L3MBTL3: variants seen among roughly 807,000 people sequenced by gnomAD.
L3MBTL3 encodes the protein L3MBTL histone methyl-lysine binding protein 3, also known as lethal(3)malignant brain tumor-like protein 3.
A neutral mutation model predicts 102.3 loss-of-function variants in L3MBTL3; 27 were observed. The observed-to-expected ratio is 0.26, with a 90% CI of 0.19 to 0.36. The LOEUF (loss-of-function observed/expected upper bound fraction) is 0.36, where lower values mean the gene tolerates loss of function less well. L3MBTL3 is among the 10% of genes least tolerant of loss of function. The pLI is 1.00. For missense variants in L3MBTL3, 798 were observed against 955.3 expected, an observed-to-expected ratio of 0.84 and a Z score of 2.17; for synonymous variants, 340 against 320.9, an observed-to-expected ratio of 1.06 and a Z score of -0.64.
chr6:130,140,691 G>A lies in L3MBTL3; in HGVS notation c.*938G>A, dbSNP rs1231962466. 3 of 152,188 alleles carry A rather than the reference G, an allele frequency of 2.0e-5. No homozygotes were observed. The highest frequency in any genetic ancestry group is 4.4e-5 in the Non-Finnish European group (3 of 68,034). 9.4% of individuals were successfully genotyped at this position (152,188 alleles called of 1,614,324 possible). A position where few individuals can be genotyped will look rare whatever the true frequency, so the allele number is the denominator to read the frequency against. ...AATTGTGGTGGTTTACAGAGACTAAGAGCTCATTCTGTCAACAGAAACACT... is the reference window on the plus strand; with the variant it reads ...AATTGTGGTGGTTTACAGAGACTAAAAGCTCATTCTGTCAACAGAAACACT... On this transcript the variant is annotated 3_prime_UTR_variant, in exon 23 of 23. Coordinates refer to ENST00000361794, the MANE Select transcript of L3MBTL3 (RefSeq NM_032438.4).
intron 2 of L3MBTL3, among the ~76,000 whole-genome samples, chr6:130,023,884 A>G (rs936824052): frequency 6.6e-6 from 1 of 152,202 alleles, no homozygotes; most frequent in Non-Finnish European, 1.5e-5. Flanking sequence ...TGTCTTGAGA[A>G]AAAAGTAGTT....
chr6:130,053,035 T>C (rs1176649375), intron 7 of L3MBTL3, 44 bp downstream of exon 7: 15 of 1,445,234 alleles, frequency 1.0e-5, no homozygotes, highest in South Asian at 2.3e-5. Context: ...GATGCATCTT[T>C]AGTGGGTAGC....
rs184587735 is a variant in L3MBTL3 at position 130,037,430 on chromosome 6, A to C, written c.-15-5255A>C. On this transcript the variant is annotated intron_variant, in intron 2 of 22. Transcript: ENST00000361794. ...TCTGTCGCTCTACTGTCTATCAAAAAAAAAAAGTTACCACTCTTAAACATC... is the reference window on the plus strand; with the variant it reads ...TCTGTCGCTCTACTGTCTATCAAAACAAAAAAGTTACCACTCTTAAACATC... 1.4e-4 allele frequency among the ~76,000 whole-genome samples: 22 copies of C among 152,282 alleles called. No individual in the cohort carries two copies. The East Asian group carries it at 4.2e-3, about 29-fold the overall frequency.
chr6:130,093,781 A>G (rs1784195814), intron 17 of L3MBTL3, among the ~76,000 whole-genome samples: 1 of 152,210 alleles, frequency 6.6e-6, no homozygotes, highest in African/African-American at 2.4e-5. Context: ...TTTCCAGGAG[A>G]GCCCACACTA....
At chr6:130,100,690 C>CT in intron 18 of L3MBTL3, among the ~76,000 whole-genome samples, 1 of 151,868 alleles carries the variant, frequency 6.6e-6, no homozygotes, top group Middle Eastern at 3.4e-3. Context: ...GTCATAATGG[C>CT]TGCAGTCTTA....
chr6:130,018,820 A>C (rs1778729007), intron 1 of L3MBTL3, among the ~76,000 whole-genome samples, 156 bp downstream of exon 1: 1 of 152,150 alleles, frequency 6.6e-6, no homozygotes, highest in Non-Finnish European at 1.5e-5. Context: ...AGGGGAGGGG[A>C]GGGACAGAAG....
rs533372609 is a variant in L3MBTL3 at position 130,032,354 on chromosome 6, C to T, written c.-16+10049C>T. 1.1e-4 allele frequency among the ~76,000 whole-genome samples: 17 copies of T among 152,150 alleles called. No individual in the cohort carries two copies. The South Asian group carries it at 2.5e-3, about 22-fold the overall frequency. ...GTCCCAGCTGCTCTAGAGGCTGAGG[C>T]GGGAGGAGTGTTTGAGCCCAGGTGG... On this transcript the variant is annotated intron_variant, in intron 2 of 22. Transcript: ENST00000361794.
rs1781699499 is a variant in L3MBTL3 at position 130,058,845 on chromosome 6, T to G, written c.760-1191T>G. Among the ~76,000 whole-genome samples, 4 of 152,214 alleles carry G rather than the reference T, an allele frequency of 2.6e-5. No individual in the cohort carries two copies. The South Asian group carries it at 8.3e-4, about 32-fold the overall frequency. On this transcript the variant is annotated intron_variant, in intron 9 of 22. Coordinates refer to ENST00000361794, the MANE Select transcript of L3MBTL3 (RefSeq NM_032438.4). The stretch of plus-strand genomic sequence containing the variant: ...TTTGCTGAACCTTGGTTTAAATTAT[T>G]TCATTATATTTAATCGTGGTATGTA...
chr6:130,033,552 C>T (rs1207654097), intron 2 of L3MBTL3, among the ~76,000 whole-genome samples: 3 of 152,166 alleles, frequency 2.0e-5, no homozygotes, highest in Admixed American at 1.3e-4. Context: ...TCCTGACACA[C>T]TGTTTACAAA....
At chr6:130,095,595 C>G (rs1009599379) in intron 18 of L3MBTL3, among the ~76,000 whole-genome samples, 1 of 152,064 alleles carries the variant, frequency 6.6e-6, no homozygotes, top group African/African-American at 2.4e-5. Flanking sequence ...AATTCATGAA[C>G]GTACTAAATT....
At chr6:130,039,019 A>C (rs1247802725) in intron 2 of L3MBTL3, among the ~76,000 whole-genome samples, 1 of 152,134 alleles carries the variant, frequency 6.6e-6, no homozygotes, top group Non-Finnish European at 1.5e-5. Context: ...TTTCCTATTA[A>C]GTATTTAAAA....
At chr6:130,061,045 G>T (rs920779009) in intron 10 of L3MBTL3, among the ~76,000 whole-genome samples, 7 of 151,064 alleles carry the variant, frequency 4.6e-5, no homozygotes, top group Admixed American at 2.6e-4. Flanking sequence ...CATACTATGT[G>T]CCAGCGGCTA....
chr6:130,129,682 C>G (rs1037853483), intron 20 of L3MBTL3, among the ~76,000 whole-genome samples: 3 of 152,102 alleles, frequency 2.0e-5, no homozygotes, highest in Admixed American at 6.6e-5. Flanking sequence ...ATTTTCTTTT[C>G]CATGCATGTC....
At chr6:130,018,993 A>G (rs1778740279) in intron 1 of L3MBTL3, among the ~76,000 whole-genome samples, 1 of 151,654 alleles carries the variant, frequency 6.6e-6, no homozygotes, top group African/African-American at 2.4e-5. Flanking sequence ...AGAGAGAGAA[A>G]AGAGAAAGGA....
intron 13 of L3MBTL3, among the ~76,000 whole-genome samples, chr6:130,078,144 T>A (rs1783077822): frequency 1.3e-5 from 2 of 152,202 alleles, no homozygotes; most frequent in African/African-American, 4.8e-5. Context: ...TTAAGGATGA[T>A]TGGGCTTCCT....
intron 19 of L3MBTL3, among the ~76,000 whole-genome samples, chr6:130,112,364 G>C (rs558312442): frequency 1.9e-4 from 29 of 152,178 alleles, no homozygotes; most frequent in Non-Finnish European, 2.9e-4. Flanking sequence ...GGCAATAGCT[G>C]TATAACATTT....
At chr6:130,045,307 G>A (rs56992921) in intron 3 of L3MBTL3, among the ~76,000 whole-genome samples, 2,903 of 152,110 alleles carry the variant, frequency 0.019, 81 homozygotes, top group African/African-American at 0.066. Context: ...CACACGCTGG[G>A]CCCTTGTTAC....
At chr6:130,061,407 AAAC>A (rs1781896769) in intron 10 of L3MBTL3, among the ~76,000 whole-genome samples, 1 of 152,182 alleles carries the variant, frequency 6.6e-6, no homozygotes, top group African/African-American at 2.4e-5. Context: ...TTAGTTCTCA[AAAC>A]AACCTTTTGA....
chr6:130,053,577 A>G (rs1215945226), intron 7 of L3MBTL3, among the ~76,000 whole-genome samples: 1 of 151,080 alleles, frequency 6.6e-6, no homozygotes, highest in Non-Finnish European at 1.5e-5. Context: ...GGAGCTTGCA[A>G]TGAGCTGAGA....
Sources: gnomAD v4.1 joint callset for allele counts (sites outside exome capture counted in the v4.1 genomes callset) on GRCh38, gnomAD v4.1.1 for gene constraint, MANE v1.5 for transcripts, NCBI Gene and HGNC (gene_info 2026-07-23, HGNC 2026-07-21) for gene names.